FAM227B: variants seen among roughly 807,000 people sequenced by gnomAD.
FAM227B encodes family with sequence similarity 227 member B, also known as protein FAM227B.
A neutral mutation model predicts 73.8 loss-of-function variants in FAM227B; 88 were observed. That is an observed-to-expected ratio of 1.19 (90% CI 1.00 to 1.42). The LOEUF is 1.42. Among genes scored for constraint, FAM227B ranks in the 40% most tolerant of loss-of-function variants. The pLI is 0.00. For missense variants in FAM227B, 632 were observed against 590.9 expected (o/e 1.07, Z -0.72); for synonymous variants, 210 against 190.5 (o/e 1.10, Z -0.84).
intron 13 of FAM227B, among the ~76,000 whole-genome samples, chr15:49,355,714 C>T (rs1172812388): frequency 4.6e-5 from 7 of 150,716 alleles, no homozygotes; most frequent in Non-Finnish European, 3.0e-5. Context: ...GGCAGGCCAA[C>T]GTTCAGATTC....
Position 49,396,088 on chromosome 15 carries a change from G to C in FAM227B, c.1013-24689C>G, listed in dbSNP as rs1237974464. 1.8e-5 allele frequency: 8 copies of C among 434,842 alleles called. No homozygotes were observed. In the East Asian group the frequency reaches 5.6e-4, roughly 31 times the overall value. 26.9% of individuals were successfully genotyped at this position (434,842 alleles called of 1,614,324 possible). A position where few individuals can be genotyped will look rare whatever the true frequency, so the allele number is the denominator to read the frequency against. On this transcript the variant is annotated intron_variant, in intron 11 of 15. Transcript: ENST00000299338. ...TCTGCATTTCCATCTGAGGTACCAGGTTCATCTCACTAGGGAGTGCCAGAC... is the reference window on the plus strand; with the variant it reads ...TCTGCATTTCCATCTGAGGTACCAGCTTCATCTCACTAGGGAGTGCCAGAC...
intron 11 of FAM227B, among the ~76,000 whole-genome samples, chr15:49,429,258 C>T (rs2050386998): frequency 6.6e-6 from 1 of 151,970 alleles, no homozygotes; most frequent in South Asian, 2.1e-4. Flanking sequence ...AACTGGTGAC[C>T]CGCATTCCCT....
chr15:49,489,417 T>A (rs374480633), intron 11 of FAM227B: 1 of 979,248 alleles, frequency 1.0e-6, no homozygotes, highest in East Asian at 1.1e-4. Context: ...AACAAAAGGT[T>A]TGAACCAATC....
chr15:49,427,197 T>G (rs1597117080), intron 11 of FAM227B, among the ~76,000 whole-genome samples: 2 of 152,012 alleles, frequency 1.3e-5, no homozygotes, highest in African/African-American at 4.8e-5. Context: ...GCTGCTATAT[T>G]AGGAAATCTA....
chr15:49,613,730 TG>T (rs1303767711), intron 2 of FAM227B, among the ~76,000 whole-genome samples: 1 of 152,090 alleles, frequency 6.6e-6, no homozygotes, highest in African/African-American at 2.4e-5. Context: ...AATTATCTCA[TG>T]TATGCCATAA....
rs56097665 is a variant in FAM227B at position 49,479,599 on chromosome 15, G to GTTTT, written c.1012+28608_1012+28611dup. ...GTAGGATTTCATAGTTAATACCTCT[G>GTTTT]TTTTTTTTTTTTTTTTTTTTTTTTT... On this transcript the variant is annotated intron_variant, in intron 11 of 15. Transcript: ENST00000299338. Among the ~76,000 whole-genome samples the GTTTT allele has an allele frequency of 3.3e-4, 21 of 63,324 alleles. 2 individuals carry two copies. Among genetic ancestry groups the GTTTT allele is most frequent in the East Asian group, 1.5e-3 (3 of 2,044 alleles). The allele number at this position is 63,324 out of a possible 152,430, so 41.5% of individuals were successfully genotyped here. A position where few individuals can be genotyped will look rare whatever the true frequency, so the allele number is the denominator to read the frequency against.
chr15:49,489,859 TTTATA>T (rs1567382856), intron 11 of FAM227B, among the ~76,000 whole-genome samples: 16 of 5,154 alleles, frequency 3.1e-3, no homozygotes, highest in Admixed American at 6.0e-3. Flanking sequence ...ATATATATAT[TTTATA>T]TATATATATA....
At chr15:49,384,756 A>G (rs1050401637) in intron 11 of FAM227B, among the ~76,000 whole-genome samples, 1 of 152,010 alleles carries the variant, frequency 6.6e-6, no homozygotes, top group African/African-American at 2.4e-5. Context: ...CAAGATTTAA[A>G]ATGACAACAA....
At position 49,367,506 on chromosome 15, in the gene FAM227B, C is replaced by G. The variant is rs1277008272; in HGVS notation, c.1213G>C (p.Gly405Arg). ...GTTTTCTTAGGTGCTTTGGAAATAC[C>G]AGCCAGCTCATGCATCTTAAGATAA... The part of the protein sequence containing the change: ...LYYLKMHELA[G>R]ISKAPKKTKI... Residue 405 changes from glycine (G) to arginine (R), a missense_variant, in exon 13 of 16, where the codon GGT becomes CGT. Coordinates refer to ENST00000299338, the MANE Select transcript of FAM227B (RefSeq NM_152647.3). The G allele has an allele frequency of 3.1e-6, 5 of 1,605,470 alleles. No individual in the cohort carries two copies. The highest frequency in any genetic ancestry group is 4.2e-6 in the Non-Finnish European group (5 of 1,178,018).
intron 9 of FAM227B, among the ~76,000 whole-genome samples, chr15:49,559,769 T>C (rs998888708): frequency 6.6e-6 from 1 of 152,072 alleles, no homozygotes; most frequent in Non-Finnish European, 1.5e-5. Context: ...ACCCCGTCTC[T>C]ACTAAAAATA....
intron 11 of FAM227B, among the ~76,000 whole-genome samples, chr15:49,452,259 G>A (rs913696478): frequency 1.3e-5 from 2 of 152,098 alleles, no homozygotes; most frequent in African/African-American, 2.4e-5. Context: ...CACTGTGTTG[G>A]CCAGGATGGT....
chr15:49,477,830 A>G (rs1413461989), intron 11 of FAM227B, among the ~76,000 whole-genome samples: 1 of 152,230 alleles, frequency 6.6e-6, no homozygotes, highest in Non-Finnish European at 1.5e-5. Flanking sequence ...CATCCTTGCC[A>G]GCATACAGCA....
chr15:49,550,304 T>C (rs1167785471), intron 9 of FAM227B, among the ~76,000 whole-genome samples: 2 of 136,244 alleles, frequency 1.5e-5, no homozygotes, highest in East Asian at 2.3e-4. Flanking sequence ...GCCCCTCACC[T>C]CCCGGACGGG....
chr15:49,575,050 C>A lies in FAM227B; in HGVS notation c.606G>T (p.Leu202Phe). 1 of 1,600,062 alleles carries A rather than the reference C, an allele frequency of 6.2e-7. No homozygotes were observed. Among genetic ancestry groups the A allele is most frequent in the Non-Finnish European group, 8.5e-7 (1 of 1,172,516 alleles). ...HFLSEASIALLHDSFWWWFLH... is the reference protein window; with the variant it reads ...HFLSEASIALFHDSFWWWFLH... ...GAAACCACCACCAAAAGGAGTCATGCAAAAGAGCAATGGAGGCTTCTGAGA... is the reference window on the plus strand; with the variant it reads ...GAAACCACCACCAAAAGGAGTCATGAAAAAGAGCAATGGAGGCTTCTGAGA... The change falls in exon 8 of 16, where the codon TTG becomes TTT. Residue 202 changes from leucine to phenylalanine, a missense_variant. Coordinates refer to ENST00000299338, the MANE Select transcript of FAM227B (RefSeq NM_152647.3).
chr15:49,492,286 T>A (rs1227703542), intron 11 of FAM227B, among the ~76,000 whole-genome samples: 1 of 151,822 alleles, frequency 6.6e-6, no homozygotes, highest in African/African-American at 2.4e-5. Context: ...GATCAAAACT[T>A]TTTGCTTTTG....
chr15:49,373,459 T>C (rs2045970262), intron 11 of FAM227B, among the ~76,000 whole-genome samples: 1 of 152,070 alleles, frequency 6.6e-6, no homozygotes, highest in Non-Finnish European at 1.5e-5. Flanking sequence ...TCCCCCAAAT[T>C]ATAGTTTTAG....
At chr15:49,499,739 T>C (rs770346245) in intron 11 of FAM227B, among the ~76,000 whole-genome samples, 4 of 152,202 alleles carry the variant, frequency 2.6e-5, no homozygotes, top group Non-Finnish European at 5.9e-5. Flanking sequence ...GTATGGTCAA[T>C]TGATTTCCAA....
intron 11 of FAM227B, among the ~76,000 whole-genome samples, chr15:49,482,941 A>C (rs1330328476): frequency 6.6e-6 from 1 of 152,072 alleles, no homozygotes; most frequent in African/African-American, 2.4e-5. Flanking sequence ...CTACAAAATA[A>C]AAAACCATCG....
At chr15:49,572,559 G>T (rs2075180108) in intron 8 of FAM227B, among the ~76,000 whole-genome samples, 1 of 151,996 alleles carries the variant, frequency 6.6e-6, no homozygotes, top group South Asian at 2.1e-4. Context: ...GTATAAAATT[G>T]TACATTCACC....
Sources: gnomAD v4.1 joint callset for allele counts (sites outside exome capture counted in the v4.1 genomes callset) on GRCh38, gnomAD v4.1.1 for gene constraint, MANE v1.5 for transcripts, NCBI Gene and HGNC (gene_info 2026-07-23, HGNC 2026-07-21) for gene names.